DPP10: variants seen among roughly 807,000 people sequenced by gnomAD.
The protein encoded by DPP10 is dipeptidyl peptidase like 10, also known as inactive dipeptidyl peptidase 10.
DPP10 carries 33 observed loss-of-function variants against 120.9 expected under a neutral mutation model. That is an observed-to-expected ratio of 0.27 (90% CI 0.21 to 0.37). DPP10 has a LOEUF of 0.37. DPP10 is among the 10% of genes least tolerant of loss of function. The pLI is 1.00. For missense variants in DPP10, 816 were observed against 942.8 expected (o/e 0.87, Z 1.76); for synonymous variants, 337 against 326.1 (o/e 1.03, Z -0.36).
At chr2:115,389,607 A>G (rs2067190515) in intron 3 of DPP10, among the ~76,000 whole-genome samples, 1 of 152,120 alleles carries the variant, frequency 6.6e-6, no homozygotes, top group Admixed American at 6.5e-5. Context: ...TTTGTCACCC[A>G]AAGAATTTTA....
At chr2:114,855,458 C>T (rs572810857) in intron 1 of DPP10, among the ~76,000 whole-genome samples, 5 of 152,206 alleles carry the variant, frequency 3.3e-5, no homozygotes, top group Admixed American at 3.3e-4. Context: ...CTAAACAACC[C>T]CTGTGGCAGT....
chr2:115,109,584 G>T (rs988903825), intron 1 of DPP10, among the ~76,000 whole-genome samples: 1 of 152,092 alleles, frequency 6.6e-6, no homozygotes, highest in Non-Finnish European at 1.5e-5. Flanking sequence ...ATCTGATGGT[G>T]ACGTACAAAG....
chr2:115,355,346 G>A (rs182689313), intron 3 of DPP10, among the ~76,000 whole-genome samples: 28 of 152,132 alleles, frequency 1.8e-4, no homozygotes, highest in Non-Finnish European at 2.8e-4. Flanking sequence ...TTTGTTGGCC[G>A]TGTACATGTC....
At chr2:114,617,155 C>T (rs75517723) in intron 1 of DPP10, among the ~76,000 whole-genome samples, 125 of 152,066 alleles carry the variant, frequency 8.2e-4, no homozygotes, top group African/African-American at 2.8e-3. Flanking sequence ...TATTACAATG[C>T]AATGTGTGAT....
intron 1 of DPP10, among the ~76,000 whole-genome samples, chr2:114,516,902 A>G (rs1684637942): frequency 6.6e-6 from 1 of 152,206 alleles, no homozygotes; most frequent in African/African-American, 2.4e-5. Flanking sequence ...TTGTTGTAGG[A>G]ATTCTTAAAA....
chr2:114,462,357 C>G (rs1169054467), intron 1 of DPP10, among the ~76,000 whole-genome samples: 1 of 152,182 alleles, frequency 6.6e-6, no homozygotes, highest in Non-Finnish European at 1.5e-5. Context: ...CCCCTAACCT[C>G]CTGTTCCAGG....
At chr2:114,592,452 C>T (rs950759649) in intron 1 of DPP10, among the ~76,000 whole-genome samples, 1 of 152,002 alleles carries the variant, frequency 6.6e-6, no homozygotes, top group African/African-American at 2.4e-5. Flanking sequence ...GTCAAAAAAA[C>T]CAGCATTGAG....
intron 1 of DPP10, among the ~76,000 whole-genome samples, chr2:115,117,641 T>C (rs2049590620): frequency 6.6e-6 from 1 of 152,318 alleles, no homozygotes; most frequent in African/African-American, 2.4e-5. Flanking sequence ...GTATTTCTCA[T>C]ATTTCATCAC....
chr2:114,867,462 G>A (rs1228365125), intron 1 of DPP10, among the ~76,000 whole-genome samples: 1 of 151,930 alleles, frequency 6.6e-6, no homozygotes, highest in East Asian at 1.9e-4. Flanking sequence ...AGCTTCTTCT[G>A]CCCTCTAGGT....
chr2:114,878,702 G>T (rs1691359877), intron 1 of DPP10, among the ~76,000 whole-genome samples: 1 of 151,932 alleles, frequency 6.6e-6, no homozygotes. Flanking sequence ...TATGTGCCTG[G>T]CTTACTTCAC....
intron 1 of DPP10, among the ~76,000 whole-genome samples, chr2:114,497,490 G>A (rs17713922): frequency 0.28 from 40,354 of 144,890 alleles, 6,266 homozygotes; most frequent in East Asian, 0.37. Flanking sequence ...GGTCAGTGGT[G>A]AACCATAAAC....
At chr2:115,497,081 A>G (rs6714625) in intron 3 of DPP10, among the ~76,000 whole-genome samples, 29,834 of 151,984 alleles carry the variant, frequency 0.2, 3,703 homozygotes, top group East Asian at 0.39. Flanking sequence ...ACTATCATCT[A>G]TATTATCTAT....
intron 3 of DPP10, among the ~76,000 whole-genome samples, chr2:115,358,880 T>C (rs1308877488): frequency 6.6e-6 from 1 of 152,010 alleles, no homozygotes; most frequent in African/African-American, 2.4e-5. Context: ...TATAGAACCT[T>C]CAAATCTCAT....
At chr2:115,622,529 T>TTATTGTTTTTTTTTTTTTTTTTG (rs1176205870) in intron 5 of DPP10, among the ~76,000 whole-genome samples, 1 of 149,366 alleles carries the variant, frequency 6.7e-6, no homozygotes, top group African/African-American at 2.4e-5. Context: ...TTTTTTTTTT[T>TTATTGTTTTTTTTTTTTTTTTTG]TTTAACGTAT....
chr2:115,523,672 G>C (rs746598187), intron 4 of DPP10, among the ~76,000 whole-genome samples: 1 of 151,982 alleles, frequency 6.6e-6, no homozygotes, highest in Non-Finnish European at 1.5e-5. Context: ...TGGATACTTT[G>C]TGTATCCAGT....
intron 1 of DPP10, among the ~76,000 whole-genome samples, chr2:115,037,482 C>G (rs1451209204): frequency 6.6e-6 from 1 of 152,110 alleles, no homozygotes; most frequent in Non-Finnish European, 1.5e-5. Flanking sequence ...TCCAGGGCCT[C>G]CGGCAGGCAA....
At chr2:114,957,485 G>C (rs936320337) in intron 1 of DPP10, among the ~76,000 whole-genome samples, 1 of 152,106 alleles carries the variant, frequency 6.6e-6, no homozygotes, top group Non-Finnish European at 1.5e-5. Context: ...GGGAAACTTT[G>C]TTGTTGGTGG....
At chr2:114,640,665 G>C (rs1489826747) in intron 1 of DPP10, among the ~76,000 whole-genome samples, 5 of 151,826 alleles carry the variant, frequency 3.3e-5, no homozygotes, top group Non-Finnish European at 5.9e-5. Context: ...CGACATCATG[G>C]ATGTTGATGG....
At chr2:114,846,671 T>C (rs1451835170) in intron 1 of DPP10, among the ~76,000 whole-genome samples, 1 of 152,158 alleles carries the variant, frequency 6.6e-6, no homozygotes, top group African/African-American at 2.4e-5. Context: ...AATCTGACTG[T>C]AGCTGACCCT....
Sources: gnomAD v4.1 joint callset for allele counts (sites outside exome capture counted in the v4.1 genomes callset) on GRCh38, gnomAD v4.1.1 for gene constraint, MANE v1.5 for transcripts, NCBI Gene and HGNC (gene_info 2026-07-23, HGNC 2026-07-21) for gene names.